MACROD1: variants seen among roughly 807,000 people sequenced by gnomAD.
MACROD1 encodes the protein mono-ADP ribosylhydrolase 1.
MACROD1 carries 31 observed loss-of-function variants against 41.4 expected under a neutral mutation model. The ratio of observed to expected loss-of-function variants is 0.75; its 90% CI spans 0.56 to 1.01. The LOEUF is 1.01. Ranked by LOEUF, MACROD1 falls within the 50% of genes least tolerant of loss-of-function variation. The pLI, the probability that MACROD1 is intolerant of heterozygous loss-of-function variation, is 0.00. For synonymous variants in MACROD1, 252 were observed against 203.4 expected, an observed-to-expected ratio of 1.24 and a Z score of -2.03; for missense variants, 473 against 460.0, an observed-to-expected ratio of 1.03 and a Z score of -0.26.
At chr11:64,061,513 C>T (rs1455254513) in intron 3 of MACROD1, among the ~76,000 whole-genome samples, 1 of 152,206 alleles carries the variant, frequency 6.6e-6, no homozygotes, top group African/African-American at 2.4e-5. Context: ...TCCTCCCCGG[C>T]TCTGCACTGT....
At chr11:64,034,770 C>T (rs1161413510) in intron 3 of MACROD1, among the ~76,000 whole-genome samples, 1 of 152,200 alleles carries the variant, frequency 6.6e-6, no homozygotes, top group African/African-American at 2.4e-5. Context: ...AGACTGTGGG[C>T]GGTCTGAGGG....
At position 64,053,580 on chromosome 11, in the gene MACROD1, C is replaced by T. The variant is rs554028587; in HGVS notation, c.518-38299G>A. ...CTCAGACACCACAGCACACAAGGGCCAGAGTGGGAGCAGGAAGTGGGAGGG... is the reference window on the plus strand; with the variant it reads ...CTCAGACACCACAGCACACAAGGGCTAGAGTGGGAGCAGGAAGTGGGAGGG... On this transcript the variant is annotated intron_variant, in intron 3 of 10. Coordinates refer to ENST00000255681, the MANE Select transcript of MACROD1 (RefSeq NM_014067.4). Among the ~76,000 whole-genome samples the T allele has an allele frequency of 9.9e-5, 15 of 152,248 alleles. No homozygotes were observed. The South Asian group carries it at 3.1e-3, about 32-fold the overall frequency.
chr11:64,090,609 C>T lies in MACROD1; in HGVS notation c.517+60630G>A, dbSNP rs550377131. On this transcript the variant is annotated intron_variant, in intron 3 of 10. Coordinates refer to ENST00000255681, the MANE Select transcript of MACROD1 (RefSeq NM_014067.4). This position sits in a 1 kb window ranked among gnomAD's most constrained non-coding sequence, Gnocchi z 4.7. ...AGTGGAGGCTGTGGCCAGCCATCGC[C>T]GCAGGAGGGGTCCCAGCTGGAGCAC... 2.0e-5 allele frequency among the ~76,000 whole-genome samples: 3 copies of T among 152,302 alleles called. No homozygotes were observed. The highest frequency in any genetic ancestry group is 4.4e-5 in the Non-Finnish European group (3 of 68,020).
At chr11:64,055,268 G>A (rs1044947371) in intron 3 of MACROD1, among the ~76,000 whole-genome samples, 2 of 152,212 alleles carry the variant, frequency 1.3e-5, no homozygotes, top group African/African-American at 2.4e-5. Flanking sequence ...TGCCTTGAGC[G>A]GGACACCATG....
At chr11:64,151,866 C>T (rs180728263) in intron 2 of MACROD1, among the ~76,000 whole-genome samples, 22 of 152,312 alleles carry the variant, frequency 1.4e-4, no homozygotes, top group African/African-American at 3.8e-4. Context: ...CAGTTGCTGA[C>T]GCCTGTAATC....
In MACROD1 at chr11:63,999,653, G is replaced by A; in HGVS notation, c.775C>T (p.Leu259Phe). 6.2e-7 allele frequency: 1 copy of A among 1,609,328 alleles called. No individual in the cohort carries two copies. The highest frequency in any genetic ancestry group is 8.5e-7 in the Non-Finnish European group (1 of 1,178,892). The change falls in exon 6 of 11, where the codon CTC (leucine) becomes TTC (phenylalanine). Residue 259 changes from leucine to phenylalanine, a missense_variant. Coordinates refer to ENST00000255681, the MANE Select transcript of MACROD1 (RefSeq NM_014067.4). ...GGGCCGTCCCTCACCACCGAGCGGAGCCGGTGCTCCAGCAGCAGGTCCAGA... is the reference window on the plus strand; with the variant it reads ...GGGCCGTCCCTCACCACCGAGCGGAACCGGTGCTCCAGCAGCAGGTCCAGA... ...SSLDLLLEHR[L>F]RSVAFPCIST...
At chr11:64,052,814 G>C (rs1456024678) in intron 3 of MACROD1, among the ~76,000 whole-genome samples, 1 of 152,194 alleles carries the variant, frequency 6.6e-6, no homozygotes, top group Admixed American at 6.5e-5. Context: ...TGGTCCAGGG[G>C]CCCTTTGCCC....
intron 3 of MACROD1, among the ~76,000 whole-genome samples, chr11:64,070,162 G>A (rs982466224): frequency 2.0e-5 from 3 of 152,152 alleles, no homozygotes; most frequent in Admixed American, 1.3e-4. Context: ...AGACCAGGTC[G>A]TGTGCTCAGG....
intron 3 of MACROD1, among the ~76,000 whole-genome samples, chr11:64,022,281 C>T (rs1278210904): frequency 1.3e-5 from 2 of 152,016 alleles, no homozygotes; most frequent in Non-Finnish European, 2.9e-5. Flanking sequence ...CCCCTGCCTC[C>T]GGGATGCCTC....
chr11:64,164,821 A>G (rs899844687), intron 1 of MACROD1, among the ~76,000 whole-genome samples: 5 of 152,308 alleles, frequency 3.3e-5, no homozygotes, highest in Non-Finnish European at 7.4e-5. Flanking sequence ...GGGAAGAGTC[A>G]CAGGATCCCA....
intron 3 of MACROD1, among the ~76,000 whole-genome samples, chr11:64,050,680 G>A (rs1441069032): frequency 2.0e-5 from 3 of 152,200 alleles, no homozygotes; most frequent in South Asian, 4.1e-4. Context: ...GTGCAGTGGC[G>A]CGATCATGGC....
At chr11:64,065,522 G>A (rs1943982711) in intron 3 of MACROD1, among the ~76,000 whole-genome samples, 1 of 152,192 alleles carries the variant, frequency 6.6e-6, no homozygotes, top group Non-Finnish European at 1.5e-5. Context: ...AGGCGCGGTG[G>A]CTCATGCCTG....
intron 3 of MACROD1, among the ~76,000 whole-genome samples, chr11:64,079,054 C>G (rs547423966): frequency 2.2e-5 from 3 of 137,864 alleles, no homozygotes; most frequent in African/African-American, 8.2e-5. Context: ...AGCCGCTGTG[C>G]GGACAGACCG....
intron 3 of MACROD1, among the ~76,000 whole-genome samples, chr11:64,025,439 C>G (rs1008044371): frequency 6.6e-6 from 1 of 152,212 alleles, no homozygotes; most frequent in East Asian, 1.9e-4. Context: ...ATGCCTTCCT[C>G]TCCCAGCAAC....
chr11:64,154,434 T>C lies in MACROD1; in HGVS notation c.299-2041A>G, dbSNP rs191276361. Among the ~76,000 whole-genome samples the C allele has an allele frequency of 3.9e-5, 6 of 152,208 alleles. No homozygotes were observed. In the East Asian group the frequency reaches 1.2e-3, roughly 29 times the overall value. On this transcript the variant is annotated intron_variant, in intron 1 of 10. Coordinates refer to ENST00000255681, the MANE Select transcript of MACROD1 (RefSeq NM_014067.4). ...GGACTGAGCCTTCCTCATGGCTCCC[T>C]AGATCCCACAGACGCTCCCAACTCC...
chr11:64,118,023 C>T lies in MACROD1; in HGVS notation c.517+33216G>A, dbSNP rs555915933. ...GCACCAGGCTGGCGAGCTGCTGACCCGGGAGAGGGCCTACAACCGGGGCAG... is the reference window on the plus strand; with the variant it reads ...GCACCAGGCTGGCGAGCTGCTGACCTGGGAGAGGGCCTACAACCGGGGCAG... On this transcript the variant is annotated intron_variant, in intron 3 of 10. Transcript: ENST00000255681. 1.2e-5 allele frequency: 20 copies of T among 1,613,502 alleles called. No individual in the cohort carries two copies. Among genetic ancestry groups the T allele is most frequent in the South Asian group, 2.2e-5 (2 of 91,086 alleles).
chr11:64,073,874 C>T lies in MACROD1; in HGVS notation c.518-58593G>A, dbSNP rs76375851. ...AGGGCCAGAGATGCAGTTGGGGACCCGGATCCAGCCCAGCCACTTAGGGGC... is the reference window on the plus strand; with the variant it reads ...AGGGCCAGAGATGCAGTTGGGGACCTGGATCCAGCCCAGCCACTTAGGGGC... On this transcript the variant is annotated intron_variant, in intron 3 of 10. Transcript: ENST00000255681. Among the ~76,000 whole-genome samples the T allele has an allele frequency of 1.8e-3, 276 of 152,272 alleles. 1 individual carries two copies. The highest frequency in any genetic ancestry group is 5.6e-3 in the East Asian group (29 of 5,164).
rs528803849 is a variant in MACROD1, at chr11:64,092,788, C to G, written c.517+58451G>C. ...CTGAGTAAACGGGTGCATGAACACC[C>G]ACAGCATCTCCCCAAGCATGGTTTG... On this transcript the variant is annotated intron_variant, in intron 3 of 10. Coordinates refer to ENST00000255681, the MANE Select transcript of MACROD1 (RefSeq NM_014067.4). Among the ~76,000 whole-genome samples the G allele has an allele frequency of 2.0e-5, 3 of 152,350 alleles. No individual in the cohort carries two copies. In the East Asian group the frequency reaches 5.8e-4, roughly 29 times the overall value.
At position 64,033,369 on chromosome 11, in the gene MACROD1, A is replaced by G. The variant is rs768554759; in HGVS notation, c.518-18088T>C. On this transcript the variant is annotated intron_variant, in intron 3 of 10. Coordinates refer to ENST00000255681, the MANE Select transcript of MACROD1 (RefSeq NM_014067.4). ...CCATCAGCTTTGTGGAATATCGTGC[A>G]GCTGTTAAAACCACAATTATGAAGA... 1.1e-3 allele frequency among the ~76,000 whole-genome samples: 171 copies of G among 152,256 alleles called. 1 individual carries two copies. Among genetic ancestry groups the G allele is most frequent in the Non-Finnish European group, 2.0e-3 (136 of 68,024 alleles).
Sources: allele counts gnomAD v4.1 joint callset (sites outside exome capture counted in the v4.1 genomes callset), GRCh38; gene constraint gnomAD v4.1.1; non-coding constraint Gnocchi (gnomAD v3.1); transcripts MANE v1.5; gene names NCBI Gene and HGNC (gene_info 2026-07-23, HGNC 2026-07-21).